The following TUSC3 variants were observed in gnomAD, a reference collection of about 807,000 sequenced individuals.
TUSC3 encodes the protein dolichyl-diphosphooligosaccharide--protein glycosyltransferase subunit TUSC3.
TUSC3 carries 45 observed loss-of-function variants against 44.8 expected under a neutral mutation model. The ratio of observed to expected loss-of-function variants is 1.00; its 90% CI spans 0.79 to 1.29. TUSC3 has a LOEUF of 1.29. Among genes scored for constraint, TUSC3 ranks in the 50% most tolerant of loss-of-function variants. The probability of loss-of-function intolerance (pLI) is 0.00; values close to 1 mark genes in which losing one functional copy is unlikely to be tolerated. For synonymous variants in TUSC3, 212 were observed against 152.9 expected (o/e 1.39, Z -2.85); for missense variants, 519 against 437.9 (o/e 1.19, Z -1.65).
At position 15,623,140 on chromosome 8, in the gene TUSC3, CGAAT is replaced by C; in HGVS notation, c.205_208del (p.Asn69ValfsTer8). The C allele has an allele frequency of 6.2e-7, 1 of 1,613,648 alleles. No individual in the cohort carries two copies. Among genetic ancestry groups the C allele is most frequent in the Non-Finnish European group, 8.5e-7 (1 of 1,179,838 alleles). On this transcript the variant is annotated frameshift_variant, in exon 2 of 11. Coordinates refer to ENST00000503731, the MANE Select transcript of TUSC3 (RefSeq NM_006765.4). LOFTEE classifies it high-confidence loss of function. ...ATGGAGTTCCAGACGCTCAATCTTC[CGAAT>C]GAATGGTGATAAATTCCGAAAATTT...
At chr8:15,491,287 G>T (rs1364202060) in intron 2 of TUSC3, among the ~76,000 whole-genome samples, 1 of 152,158 alleles carries the variant, frequency 6.6e-6, no homozygotes, top group Non-Finnish European at 1.5e-5. Flanking sequence ...CTGTGTGTTA[G>T]GGTAAAGATC....
the TUSC3 span, among the ~76,000 whole-genome samples, chr8:15,815,431 T>C: frequency 6.6e-6 from 1 of 152,150 alleles, no homozygotes; most frequent in African/African-American, 2.4e-5. Flanking sequence ...TACAGACTCT[T>C]AAGAAGTAGA....
chr8:15,775,901 G>T, the TUSC3 span, among the ~76,000 whole-genome samples: 1 of 151,610 alleles, frequency 6.6e-6, no homozygotes, highest in Non-Finnish European at 1.5e-5. Flanking sequence ...GAAAGCAAGA[G>T]AAAATGGACA....
At chr8:15,572,232 C>T (rs1328011216) in intron 1 of TUSC3, among the ~76,000 whole-genome samples, 1 of 152,176 alleles carries the variant, frequency 6.6e-6, no homozygotes, top group African/African-American at 2.4e-5. Flanking sequence ...GGGTAATTTG[C>T]TGCAGCTTCT....
At chr8:15,439,191 G>T (rs1799990512) in intron 1 of TUSC3, among the ~76,000 whole-genome samples, 1 of 152,156 alleles carries the variant, frequency 6.6e-6, no homozygotes, top group African/African-American at 2.4e-5. Flanking sequence ...AAACCAGACT[G>T]AAGTGGTAGC....
intron 2 of TUSC3, among the ~76,000 whole-genome samples, chr8:15,511,418 G>A (rs1801134168): frequency 6.6e-6 from 1 of 152,184 alleles, no homozygotes; most frequent in African/African-American, 2.4e-5. Flanking sequence ...CTAGAAATAT[G>A]TGAATTTAGC....
intron 1 of TUSC3, among the ~76,000 whole-genome samples, chr8:15,475,989 C>A (rs1057319482): frequency 6.6e-6 from 1 of 152,136 alleles, no homozygotes; most frequent in Non-Finnish European, 1.5e-5. Flanking sequence ...TAATGAGGGT[C>A]TTCTTTTTGG....
chr8:15,624,646 T>C lies in TUSC3; in HGVS notation c.308+1397T>C, dbSNP rs142805326. ...CTGTTCATAGTCTTCTGCCCCTTTC[T>C]AATTGGATTCTTTAAATGAGTTTTG... On this transcript the variant is annotated intron_variant, in intron 2 of 10. Coordinates refer to ENST00000503731, the MANE Select transcript of TUSC3 (RefSeq NM_006765.4). 2.4e-3 allele frequency among the ~76,000 whole-genome samples: 365 copies of C among 152,324 alleles called. 4 individuals are homozygous for C. Among genetic ancestry groups the C allele is most frequent in the African/African-American group, 8.3e-3 (347 of 41,576 alleles).
the TUSC3 span, among the ~76,000 whole-genome samples, chr8:15,777,248 G>A: frequency 3.9e-5 from 6 of 152,018 alleles, no homozygotes; most frequent in African/African-American, 1.4e-4. Context: ...AAAATTCAAG[G>A]TATCTTGTAA....
chr8:15,674,031 T>G (rs1808074977), intron 6 of TUSC3, among the ~76,000 whole-genome samples, 195 bp downstream of exon 6: 1 of 152,042 alleles, frequency 6.6e-6, no homozygotes, highest in African/African-American at 2.4e-5. Flanking sequence ...TTTGTTAGGA[T>G]GAGGGCTGCT....
chr8:15,533,677 TGA>T (rs1208914824), intron 2 of TUSC3, among the ~76,000 whole-genome samples: 1 of 152,156 alleles, frequency 6.6e-6, no homozygotes, highest in South Asian at 2.1e-4. Flanking sequence ...AGAAAAAACC[TGA>T]GAGGGGCTTC....
At chr8:15,814,829 G>A in the TUSC3 span, among the ~76,000 whole-genome samples, 1 of 152,144 alleles carries the variant, frequency 6.6e-6, no homozygotes, top group Non-Finnish European at 1.5e-5. Flanking sequence ...GCCATAGGCT[G>A]AAAACCAGGT....
intron 6 of TUSC3, among the ~76,000 whole-genome samples, chr8:15,685,247 G>C (rs777456372): frequency 2.0e-5 from 3 of 152,114 alleles, no homozygotes; most frequent in Non-Finnish European, 4.4e-5. Context: ...GTGGGAGTGT[G>C]CTGCCGAAAT....
chr8:15,606,369 T>G (rs1294191324), intron 1 of TUSC3, among the ~76,000 whole-genome samples: 1 of 152,092 alleles, frequency 6.6e-6, no homozygotes, highest in Non-Finnish European at 1.5e-5. Context: ...TCTGTGTTAA[T>G]TGACTATGTT....
chr8:15,783,106 A>G, the TUSC3 span, among the ~76,000 whole-genome samples: 40 of 152,328 alleles, frequency 2.6e-4, no homozygotes, highest in African/African-American at 9.6e-4. Context: ...TCCACTTACA[A>G]TAGCATTTAA....
intron 1 of TUSC3, among the ~76,000 whole-genome samples, chr8:15,612,641 A>G (rs1458425527): frequency 2.0e-5 from 3 of 152,226 alleles, no homozygotes; most frequent in Non-Finnish European, 4.4e-5. Flanking sequence ...AATATAAGAA[A>G]GAGGAATGGG....
downstream of TUSC3, among the ~76,000 whole-genome samples, chr8:15,770,572 G>A: frequency 6.6e-6 from 1 of 152,020 alleles, no homozygotes; most frequent in East Asian, 1.9e-4. Context: ...TTATGAAAAG[G>A]AGTCAAATAT....
intron 6 of TUSC3, among the ~76,000 whole-genome samples, chr8:15,706,891 T>A (rs900880686): frequency 6.6e-6 from 1 of 151,920 alleles, no homozygotes; most frequent in African/African-American, 2.4e-5. Context: ...GGAAGTTAAG[T>A]TGTAGGGCGC....
intron 2 of TUSC3, among the ~76,000 whole-genome samples, chr8:15,533,914 A>G (rs1424816952): frequency 6.6e-6 from 1 of 152,032 alleles, no homozygotes; most frequent in Non-Finnish European, 1.5e-5. Context: ...TCATGGTTGG[A>G]AAGTTTCTGG....
Sources: allele counts gnomAD v4.1 joint callset (sites outside exome capture counted in the v4.1 genomes callset), GRCh38; gene constraint gnomAD v4.1.1; transcripts MANE v1.5; gene names NCBI Gene and HGNC (gene_info 2026-07-23, HGNC 2026-07-21).